EPS15: variants seen among roughly 807,000 people sequenced by gnomAD.
The protein encoded by EPS15 is epidermal growth factor receptor pathway substrate 15, also known as epidermal growth factor receptor substrate 15.
Under a neutral mutation model 113.8 loss-of-function variants are expected in EPS15, and 72 were observed. The observed-to-expected ratio is 0.63, with a 90% CI of 0.52 to 0.77. The LOEUF is 0.77. Ranked by LOEUF, EPS15 falls within the 30% of genes least tolerant of loss-of-function variation. EPS15 has a pLI of 0.00. For synonymous variants in EPS15, 344 were observed against 363.4 expected (o/e 0.95, Z 0.61); for missense variants, 1,048 against 1,045.8 (o/e 1.00, Z -0.03).
chr1:51,464,944 C>T (rs1654739151), intron 6 of EPS15, among the ~76,000 whole-genome samples: 1 of 151,580 alleles, frequency 6.6e-6, no homozygotes, highest in Non-Finnish European at 1.5e-5. Flanking sequence ...CTAGAAAATA[C>T]ATAGTTAACC....
chr1:51,479,503 G>A (rs569116869), intron 2 of EPS15, among the ~76,000 whole-genome samples: 5 of 152,236 alleles, frequency 3.3e-5, no homozygotes, highest in African/African-American at 7.2e-5. Flanking sequence ...CATTGCTGGC[G>A]AGGAGCTCTG....
chr1:51,430,977 TACACACACACACACACACACACACAC>T (rs67920039), intron 12 of EPS15, among the ~76,000 whole-genome samples: 13 of 122,030 alleles, frequency 1.1e-4, no homozygotes, highest in African/African-American at 3.8e-4. Context: ...ATTACTTACA[TACACACACACACACACACACACACAC>T]ACACACACAC....
intron 21 of EPS15, among the ~76,000 whole-genome samples, chr1:51,377,566 A>C (rs1646830034): frequency 6.6e-6 from 1 of 152,208 alleles, no homozygotes; most frequent in African/African-American, 2.4e-5. Flanking sequence ...GATGCTGTGA[A>C]CATTGTTAAA....
intron 1 of EPS15, among the ~76,000 whole-genome samples, chr1:51,518,035 G>A (rs1402646739): frequency 6.6e-6 from 1 of 152,136 alleles, no homozygotes; most frequent in Non-Finnish European, 1.5e-5. Flanking sequence ...ATGGCAGTGA[G>A]ATACCACAAT....
chr1:51,384,849 G>A (rs563550154), intron 21 of EPS15, among the ~76,000 whole-genome samples: 1 of 152,248 alleles, frequency 6.6e-6, no homozygotes, highest in South Asian at 2.1e-4. Context: ...AATGGAAAAA[G>A]GACGGTCTTC....
intron 4 of EPS15, among the ~76,000 whole-genome samples, chr1:51,468,963 C>T (rs1276815215): frequency 6.6e-6 from 1 of 151,980 alleles, no homozygotes; most frequent in Non-Finnish European, 1.5e-5. Context: ...CCCCGTCTCT[C>T]TACTAAAAAC....
At chr1:51,376,647 G>A (rs148452010) in intron 21 of EPS15, among the ~76,000 whole-genome samples, 6,066 of 152,036 alleles carry the variant, frequency 0.04, 191 homozygotes, top group Middle Eastern at 0.11. Context: ...CTGGGCAACA[G>A]AGGGAGACTG....
chr1:51,426,227 A>G (rs1012877046), intron 12 of EPS15, among the ~76,000 whole-genome samples: 2 of 151,308 alleles, frequency 1.3e-5, no homozygotes, highest in Non-Finnish European at 2.9e-5. Context: ...GCCTCTTCTA[A>G]TGTCTTTCTA....
At chr1:51,382,576 G>A (rs1646967086) in intron 21 of EPS15, among the ~76,000 whole-genome samples, 1 of 151,634 alleles carries the variant, frequency 6.6e-6, no homozygotes. Context: ...CCACCACCAC[G>A]CCTGGCTCAT....
intron 24 of EPS15, among the ~76,000 whole-genome samples, chr1:51,360,046 T>C (rs1646346067): frequency 6.6e-6 from 1 of 152,036 alleles, no homozygotes; most frequent in Non-Finnish European, 1.5e-5. Context: ...TTTGGCCTCT[T>C]AAAATGCTGA....
intron 4 of EPS15, among the ~76,000 whole-genome samples, chr1:51,468,933 A>G (rs111639813): frequency 0.062 from 9,429 of 152,090 alleles, 309 homozygotes; most frequent in Non-Finnish European, 0.074. Context: ...TATGAGACCA[A>G]CCTGGCCAAC....
intron 2 of EPS15, among the ~76,000 whole-genome samples, chr1:51,480,257 G>A (rs1040817120): frequency 6.6e-5 from 10 of 152,180 alleles, no homozygotes; most frequent in Non-Finnish European, 1.3e-4. Flanking sequence ...TAATCATAAG[G>A]TAGTGAGACT....
intron 12 of EPS15, among the ~76,000 whole-genome samples, chr1:51,437,432 C>T (rs1204750056): frequency 1.3e-5 from 2 of 150,606 alleles, no homozygotes; most frequent in South Asian, 2.1e-4. Context: ...ACAGTAATTA[C>T]AATTTCACAT....
At chr1:51,493,324 G>A (rs1388719097) in intron 1 of EPS15, among the ~76,000 whole-genome samples, 1 of 148,778 alleles carries the variant, frequency 6.7e-6, no homozygotes, top group Non-Finnish European at 1.5e-5. Context: ...TCGCGCCACT[G>A]CACTCCAGCC....
At chr1:51,414,745 G>A (rs1253078279) in intron 13 of EPS15, among the ~76,000 whole-genome samples, 1 of 151,798 alleles carries the variant, frequency 6.6e-6, no homozygotes, top group African/African-American at 2.4e-5. Context: ...TGTAAATCCA[G>A]GGACAAAAAA....
Position 51,363,989 on chromosome 1 carries a change from A to G in EPS15, c.2236T>C (p.Ser746Pro). 6.2e-7 allele frequency: 1 copy of G among 1,613,770 alleles called. No homozygotes were observed. The highest frequency in any genetic ancestry group is 8.5e-7 in the Non-Finnish European group (1 of 1,179,806). ...TTTGTAATCACTACGTTGCTGACAGAGCTCGATGTGGCTGAACGAAAAGGA... is the reference window on the plus strand; with the variant it reads ...TTTGTAATCACTACGTTGCTGACAGGGCTCGATGTGGCTGAACGAAAAGGA... The part of the protein sequence containing the change: ...EDPFRSATSS[S>P]VSNVVITKNV... Residue 746 changes from serine (S) to proline (P), a missense_variant, in exon 23 of 25, where the codon TCT (serine) becomes CCT (proline). Ser to Pro is a moderately conservative substitution (Grantham distance 74). Transcript: ENST00000371733.
chr1:51,507,192 A>G (rs915118509), intron 1 of EPS15, among the ~76,000 whole-genome samples: 1 of 152,252 alleles, frequency 6.6e-6, no homozygotes, highest in African/African-American at 2.4e-5. Context: ...ATATAACTCT[A>G]CAGAAAAAAA....
intron 21 of EPS15, among the ~76,000 whole-genome samples, chr1:51,376,869 A>G (rs1646812747): frequency 6.6e-6 from 1 of 152,210 alleles, no homozygotes; most frequent in African/African-American, 2.4e-5. Flanking sequence ...AATACACTTT[A>G]TAAGGCTATA....
At chr1:51,479,438 G>A (rs538784784) in intron 2 of EPS15, among the ~76,000 whole-genome samples, 3 of 152,078 alleles carry the variant, frequency 2.0e-5, no homozygotes, top group Admixed American at 6.6e-5. Flanking sequence ...ATTACTGATC[G>A]TCTGAAGCCT....
Sources: allele counts gnomAD v4.1 joint callset (sites outside exome capture counted in the v4.1 genomes callset), GRCh38; gene constraint gnomAD v4.1.1; transcripts MANE v1.5; gene names NCBI Gene and HGNC (gene_info 2026-07-23, HGNC 2026-07-21).